VPS13C: variants seen among roughly 807,000 people sequenced by gnomAD.
The protein encoded by VPS13C is vacuolar protein sorting 13 homolog C.
In VPS13C, 358 loss-of-function variants were observed where a neutral mutation model predicts 456.8. The ratio of observed to expected loss-of-function variants is 0.78; its 90% confidence interval spans 0.72 to 0.86. The LOEUF (loss-of-function observed/expected upper bound fraction) is 0.86. VPS13C is among the 40% of genes least tolerant of loss of function. VPS13C has a pLI of 0.00. For synonymous variants in VPS13C, 1,578 were observed against 1,486.7 expected (o/e 1.06, Z -1.41); for missense variants, 4,818 against 4,385.4 (o/e 1.10, Z -2.79).
intron 44 of VPS13C, among the ~76,000 whole-genome samples, chr15:61,946,083 A>G (rs547019487): frequency 4.6e-4 from 70 of 152,292 alleles, no homozygotes; most frequent in South Asian, 6.2e-4. Flanking sequence ...CAGTGAAAAT[A>G]TCAACCACTT....
chr15:62,053,249 C>T (rs1171530151), intron 1 of VPS13C, among the ~76,000 whole-genome samples: 4 of 152,180 alleles, frequency 2.6e-5, no homozygotes, highest in Non-Finnish European at 5.9e-5. Flanking sequence ...GAAAATCCCT[C>T]TACAGGTTTA....
At chr15:61,950,253 A>G in intron 41 of VPS13C, 105 bp downstream of exon 41, 2 of 782,122 alleles carry the variant, frequency 2.6e-6, no homozygotes, top group Non-Finnish European at 4.4e-6. Context: ...TATTATTGCC[A>G]CTGTTATTCT....
chr15:61,982,986 T>C (rs967723545), intron 20 of VPS13C, among the ~76,000 whole-genome samples: 1 of 152,172 alleles, frequency 6.6e-6, no homozygotes, highest in Non-Finnish European at 1.5e-5. Flanking sequence ...TTTAAACTTT[T>C]AAAAAATCAG....
chr15:61,865,792 ATG>A (rs68013788), intron 81 of VPS13C: 358,747 of 768,326 alleles, frequency 0.47, 86,423 homozygotes, highest in Admixed American at 0.59. Flanking sequence ...GTGTATATAT[ATG>A]TGTGTGTGTA....
At chr15:62,050,715 T>C (rs989834758) in intron 1 of VPS13C, among the ~76,000 whole-genome samples, 1 of 147,664 alleles carries the variant, frequency 6.8e-6, no homozygotes, top group African/African-American at 2.5e-5. Context: ...GGCAGAAGAA[T>C]CACTCGAACC....
rs184997917 is a variant in VPS13C, at chr15:61,936,650, T to A, written c.5702A>T (p.Glu1901Val). The change falls in exon 48 of 85, where the codon GAG (glutamate) becomes GTG (valine). Residue 1901 changes from glutamate to valine, a missense_variant. By Grantham distance (121) the Glu-to-Val change is moderately radical. Around this residue, in one of 3 missense-constraint regions of VPS13C, gnomAD observed 4,552 missense variants for 4,130.6 expected, o/e 1.10. Transcript: ENST00000644861. ...ATCAACTTTTCTCACTCTTACAGTC[T>A]CCTGCACAGACTGTGTAGGGCTTGG... ...SQPSPTQSVQETVRVRKVDVS... is the reference protein window; with the variant it reads ...SQPSPTQSVQVTVRVRKVDVS... 1 of 1,611,132 alleles carries A rather than the reference T, an allele frequency of 6.2e-7. No individual in the cohort carries two copies. The highest frequency in any genetic ancestry group is 8.5e-7 in the Non-Finnish European group (1 of 1,179,114).
chr15:61,901,202 G>A (rs370078149), intron 66 of VPS13C, among the ~76,000 whole-genome samples: 243 of 151,788 alleles, frequency 1.6e-3, no homozygotes, highest in Admixed American at 3.8e-3. Flanking sequence ...AGGCATGGGC[G>A]AGGACTTCAT....
rs1464720385 is a variant in VPS13C, at chr15:61,858,909, C to T, written c.10953-2500G>A. Among the ~76,000 whole-genome samples the T allele has an allele frequency of 6.6e-6, 1 of 152,202 alleles. No individual in the cohort carries two copies. The highest frequency in any genetic ancestry group is 2.4e-5 in the African/African-American group (1 of 41,454). On this transcript the variant is annotated intron_variant, in intron 82 of 84. Coordinates refer to ENST00000644861, the MANE Select transcript of VPS13C (RefSeq NM_020821.3). The surrounding 1 kb of genome is among the most constrained non-coding windows in gnomAD (Gnocchi z 4.4). ...TACAGTCTCTAACTGGTCTCCTTGC[C>T]TCTGGACTGATTCTCTTCCAGTATA...
intron 15 of VPS13C, among the ~76,000 whole-genome samples, chr15:62,005,668 T>C (rs563264874): frequency 5.3e-5 from 8 of 152,134 alleles, no homozygotes; most frequent in African/African-American, 1.4e-4. Context: ...GTTGTTCCTT[T>C]CCATGTTTAG....
chr15:61,895,255 A>C (rs900511549), intron 66 of VPS13C, among the ~76,000 whole-genome samples: 1 of 152,148 alleles, frequency 6.6e-6, no homozygotes, highest in Non-Finnish European at 1.5e-5. Context: ...CTATATCAAA[A>C]AAGTAGAAAG....
At chr15:61,906,571 A>C (rs2043157658) in intron 66 of VPS13C, 1 of 152,414 alleles carries the variant, frequency 6.6e-6, no homozygotes, top group Non-Finnish European at 1.5e-5. Context: ...TACCATTTTA[A>C]AGCAAAAGTC....
At chr15:62,018,804 A>G (rs12438303) in intron 9 of VPS13C, among the ~76,000 whole-genome samples, 58,714 of 151,948 alleles carry the variant, frequency 0.39, 12,875 homozygotes, top group Admixed American at 0.51. Context: ...GGACTCATAA[A>G]ATGAGTTAGG....
chr15:62,049,557 T>A (rs938860564), intron 1 of VPS13C, among the ~76,000 whole-genome samples: 1 of 152,338 alleles, frequency 6.6e-6, no homozygotes, highest in East Asian at 1.9e-4. Flanking sequence ...GCTTTGTTCT[T>A]TTGGCTTAGG....
At chr15:61,974,572 A>G (rs536723722) in intron 24 of VPS13C, among the ~76,000 whole-genome samples, 155 bp from the exon 25 acceptor site, 2 of 152,296 alleles carry the variant, frequency 1.3e-5, no homozygotes, top group South Asian at 4.1e-4. Context: ...TTGTCAGGAA[A>G]TGGGAAGTTC....
intron 66 of VPS13C, among the ~76,000 whole-genome samples, chr15:61,896,375 C>G (rs543284533): frequency 6.6e-6 from 1 of 152,250 alleles, no homozygotes; most frequent in African/African-American, 2.4e-5. Context: ...AGACAGTGGG[C>G]ACAGGTCAGT....
Position 61,957,974 on chromosome 15 carries a change from G to A in VPS13C, c.4165+634C>T, listed in dbSNP as rs543940202. Reference sequence around the variant, plus strand: ...CAGCAAAGTGAATAAACACACACATGCATGTACACATACAGGATGCTACCA... The same window carrying A: ...CAGCAAAGTGAATAAACACACACATACATGTACACATACAGGATGCTACCA... On this transcript the variant is annotated intron_variant, in intron 37 of 84. Coordinates refer to ENST00000644861, the MANE Select transcript of VPS13C (RefSeq NM_020821.3). 1.1e-3 allele frequency among the ~76,000 whole-genome samples: 171 copies of A among 151,186 alleles called. 1 individual carries two copies. The highest frequency in any genetic ancestry group is 1.8e-3 in the Non-Finnish European group (124 of 67,742).
At chr15:62,034,921 G>A in intron 4 of VPS13C, 36 bp downstream of exon 4, 1 of 1,315,460 alleles carries the variant, frequency 7.6e-7, no homozygotes, top group Non-Finnish European at 1.1e-6. Context: ...ATTTCAATGT[G>A]ATGTTATTGA....
At chr15:61,900,573 A>C (rs1431664776) in intron 66 of VPS13C, among the ~76,000 whole-genome samples, 1 of 151,952 alleles carries the variant, frequency 6.6e-6, no homozygotes, top group Non-Finnish European at 1.5e-5. Context: ...GACCTCTTCA[A>C]GGAGAACTAC....
At chr15:61,917,149 T>C (rs1566999418) in intron 60 of VPS13C, among the ~76,000 whole-genome samples, 192 bp downstream of exon 60, 3 of 152,168 alleles carry the variant, frequency 2.0e-5, no homozygotes, top group Non-Finnish European at 2.9e-5. Context: ...GGCTAATACA[T>C]GTAAAGCACA....
Sources: gnomAD v4.1 joint callset for allele counts (sites outside exome capture counted in the v4.1 genomes callset) on GRCh38, gnomAD v4.1.1 for gene constraint, gnomAD v4.1.1 regional missense constraint, Gnocchi (gnomAD v3.1) non-coding constraint, MANE v1.5 for transcripts, NCBI Gene and HGNC (gene_info 2026-07-23, HGNC 2026-07-21) for gene names.